Variants in OMA1 observed in about 807,000 individuals in gnomAD.
OMA1 encodes the protein OMA1 zinc metallopeptidase, also known as metalloendopeptidase OMA1, mitochondrial.
Under a neutral mutation model 30.9 loss-of-function variants are expected in OMA1, and 38 were observed. The ratio of observed to expected loss-of-function variants is 1.23; its 90% CI spans 0.95 to 1.61. OMA1 has a LOEUF of 1.61. Ranked by LOEUF, OMA1 falls within the 40% of genes most tolerant of loss-of-function variation. The pLI is 0.00. For synonymous variants in OMA1, 173 were observed against 121.9 expected (o/e 1.42, Z -2.76); for missense variants, 461 against 349.2 (o/e 1.32, Z -2.55).
intron 8 of OMA1, among the ~76,000 whole-genome samples, chr1:58,497,329 G>A (rs1050293280): frequency 2.0e-4 from 31 of 152,060 alleles, no homozygotes; most frequent in Admixed American, 7.9e-4. Context: ...ATTTAAACAG[G>A]CCAACTGTAA....
Position 58,487,555 on chromosome 1 carries a change from T to C in OMA1, c.1366-6381A>G, listed in dbSNP as rs1322711996. Among the ~76,000 whole-genome samples the C allele has an allele frequency of 2.0e-5, 3 of 152,350 alleles. No individual in the cohort carries two copies. In the South Asian group the frequency reaches 6.2e-4, roughly 32 times the overall value. ...AATTAGTAACTAGGCAATTGTTCTC[T>C]GAACTTCTGAAAAAATTCTCCAAAT... On this transcript the variant is annotated intron_variant, in intron 8 of 8. Coordinates refer to ENST00000371226, the MANE Select transcript of OMA1 (RefSeq NM_145243.5).
chr1:58,518,277 G>GGAGAAGAGAAGAGAA (rs1278778501), intron 7 of OMA1, among the ~76,000 whole-genome samples: 1 of 2,404 alleles, frequency 4.2e-4, no homozygotes, highest in Admixed American at 4.2e-3. Flanking sequence ...AGAGAGGAGA[G>GGAGAAGAGAAGAGAA]GAGAAGAGAA....
At chr1:58,494,034 T>G (rs1180279937) in intron 8 of OMA1, among the ~76,000 whole-genome samples, 1 of 151,968 alleles carries the variant, frequency 6.6e-6, no homozygotes, top group Non-Finnish European at 1.5e-5. Flanking sequence ...AAGGCTACAG[T>G]AACCAAAACA....
chr1:58,523,240 A>T (rs1201119558), intron 7 of OMA1, among the ~76,000 whole-genome samples: 1 of 152,176 alleles, frequency 6.6e-6, no homozygotes, highest in African/African-American at 2.4e-5. Context: ...TGCCATATCC[A>T]TAATCTTTTC....
At chr1:58,535,790 T>C (rs927524907) in intron 3 of OMA1, among the ~76,000 whole-genome samples, 3 of 152,042 alleles carry the variant, frequency 2.0e-5, no homozygotes, top group Admixed American at 2.0e-4. Context: ...TTACTATACT[T>C]TCCAAAGAGG....
intron 7 of OMA1, among the ~76,000 whole-genome samples, chr1:58,508,428 C>T (rs1188223791): frequency 6.6e-6 from 1 of 152,138 alleles, no homozygotes; most frequent in Non-Finnish European, 1.5e-5. Flanking sequence ...TGTGAGAAAT[C>T]CTGAAACTAG....
At chr1:58,539,498 G>A (rs1001110353) in intron 1 of OMA1, among the ~76,000 whole-genome samples, 188 bp from the exon 2 acceptor site, 2 of 152,018 alleles carry the variant, frequency 1.3e-5, no homozygotes, top group African/African-American at 4.8e-5. Context: ...TATATACCAC[G>A]ATATTTACTA....
At chr1:58,499,128 G>C (rs1435312865) in intron 8 of OMA1, among the ~76,000 whole-genome samples, 1 of 151,710 alleles carries the variant, frequency 6.6e-6, no homozygotes, top group Non-Finnish European at 1.5e-5. Context: ...AAATAAGCCA[G>C]GTACAGAAAG....
chr1:58,486,574 C>G (rs6687324), intron 8 of OMA1, among the ~76,000 whole-genome samples: 47,246 of 152,126 alleles, frequency 0.31, 7,777 homozygotes, highest in African/African-American at 0.42. Context: ...ATCTCAACTT[C>G]TCATAGGTAC....
chr1:58,481,253 G>A (rs1441654680), intron 8 of OMA1, 79 bp from the exon 9 acceptor site: 2 of 493,648 alleles, frequency 4.1e-6, no homozygotes, highest in East Asian at 3.3e-5. Context: ...TCCCTAATAT[G>A]CTCCATGTAA....
intron 8 of OMA1, among the ~76,000 whole-genome samples, chr1:58,502,113 A>T (rs527732597): frequency 4.6e-5 from 7 of 152,388 alleles, no homozygotes; most frequent in Non-Finnish European, 8.8e-5. Flanking sequence ...AAAGTTGATA[A>T]GCTACAGTAA....
At chr1:58,546,089 C>A (rs1646699041) in intron 1 of OMA1, among the ~76,000 whole-genome samples, 1 of 152,188 alleles carries the variant, frequency 6.6e-6, no homozygotes, top group South Asian at 2.1e-4. Context: ...CACACACAGG[C>A]GACATTTAAA....
chr1:58,514,959 A>C (rs181536035), intron 7 of OMA1, among the ~76,000 whole-genome samples: 30 of 152,294 alleles, frequency 2.0e-4, no homozygotes, highest in Non-Finnish European at 3.4e-4. Context: ...TATGAAGATC[A>C]AAAGAATAAA....
intron 1 of OMA1, chr1:58,541,396 G>A (rs1646612544): frequency 7.1e-6 from 1 of 140,704 alleles, no homozygotes; most frequent in Non-Finnish European, 1.5e-5. Context: ...TGCAAAAAAT[G>A]CAAACTAATC....
intron 7 of OMA1, among the ~76,000 whole-genome samples, chr1:58,510,254 C>T (rs1405165432): frequency 6.6e-6 from 1 of 152,000 alleles, no homozygotes; most frequent in African/African-American, 2.4e-5. Flanking sequence ...AAGCCAAATT[C>T]AAGATCATAT....
chr1:58,544,632 T>C (rs1191794754), intron 1 of OMA1, among the ~76,000 whole-genome samples: 5 of 152,218 alleles, frequency 3.3e-5, no homozygotes, highest in Admixed American at 3.3e-4. Flanking sequence ...CACTTTGTCG[T>C]TGTCCAGGCT....
chr1:58,525,488 A>C lies in OMA1; in HGVS notation c.1215+1773T>G, dbSNP rs369018922. 7.2e-5 allele frequency among the ~76,000 whole-genome samples: 11 copies of C among 152,276 alleles called. No homozygotes were observed. In the East Asian group the frequency reaches 1.9e-3, roughly 27 times the overall value. ...AATGACACTATTTATCATGACATCA[A>C]ACACTTAGCAATAAATCTAACAAAA... On this transcript the variant is annotated intron_variant, in intron 7 of 8. Coordinates refer to ENST00000371226, the MANE Select transcript of OMA1 (RefSeq NM_145243.5).
At chr1:58,533,849 C>T in intron 5 of OMA1, 104 bp downstream of exon 5, 1 of 738,060 alleles carries the variant, frequency 1.4e-6, no homozygotes, top group South Asian at 1.5e-5. Flanking sequence ...AACTAAAAGT[C>T]TATCATTTTT....
intron 1 of OMA1, among the ~76,000 whole-genome samples, chr1:58,545,420 G>A (rs754826248): frequency 3.3e-5 from 5 of 152,052 alleles, no homozygotes; most frequent in Non-Finnish European, 5.9e-5. Context: ...TGTAATACCC[G>A]GTTTATCCTG....
Sources: allele counts gnomAD v4.1 joint callset (sites outside exome capture counted in the v4.1 genomes callset), GRCh38; gene constraint gnomAD v4.1.1; transcripts MANE v1.5; gene names NCBI Gene and HGNC (gene_info 2026-07-23, HGNC 2026-07-21).